Variants in SV2C observed in about 807,000 individuals in gnomAD.
The protein encoded by SV2C is synaptic vesicle glycoprotein 2C.
A neutral mutation model predicts 79.7 loss-of-function variants in SV2C; 49 were observed. The ratio of observed to expected loss-of-function variants is 0.61; its 90% confidence interval spans 0.49 to 0.78. The LOEUF (loss-of-function observed/expected upper bound fraction) is 0.78. Ranked by LOEUF, SV2C falls within the 30% of genes least tolerant of loss-of-function variation. The pLI, the probability that SV2C is intolerant of heterozygous loss-of-function variation, is 0.00. For synonymous variants in SV2C, 334 were observed against 333.2 expected, an observed-to-expected ratio of 1.00 and a Z score of -0.03; for missense variants, 833 against 912.9, an observed-to-expected ratio of 0.91 and a Z score of 1.13.
the SV2C span, among the ~76,000 whole-genome samples, chr5:75,977,812 C>T: frequency 1.3e-5 from 2 of 152,320 alleles, no homozygotes; most frequent in East Asian, 3.9e-4. Context: ...TATCCTCCCT[C>T]ACCTAGTTAA....
At chr5:76,008,176 A>G in the SV2C span, among the ~76,000 whole-genome samples, 1 of 152,180 alleles carries the variant, frequency 6.6e-6, no homozygotes, top group Non-Finnish European at 1.5e-5. Flanking sequence ...TCATTTACAT[A>G]TTTTACAGAA....
chr5:76,004,744 C>A, the SV2C span, among the ~76,000 whole-genome samples: 6 of 152,080 alleles, frequency 3.9e-5, no homozygotes, highest in South Asian at 1.2e-3. Flanking sequence ...TGCATGATGA[C>A]CCCGCGAATA....
At chr5:76,062,219 T>C in the SV2C span, among the ~76,000 whole-genome samples, 1 of 152,078 alleles carries the variant, frequency 6.6e-6, no homozygotes, top group East Asian at 1.9e-4. Context: ...AAAGTTCACA[T>C]TGAAATTTGA....
At chr5:76,346,863 C>T (rs1749553801) in intron 12 of SV2C, among the ~76,000 whole-genome samples, 1 of 152,228 alleles carries the variant, frequency 6.6e-6, no homozygotes, top group South Asian at 2.1e-4. Flanking sequence ...ATCCATCTCA[C>T]CTGCACACAG....
chr5:76,048,965 G>GAGAAAGAAAAAGAAAGAAAGAA, the SV2C span, among the ~76,000 whole-genome samples: 1 of 58,164 alleles, frequency 1.7e-5, no homozygotes, highest in African/African-American at 7.1e-5. Context: ...GAAAGAAAAA[G>GAGAAAGAAAAAGAAAGAAAGAA]AGAAAGAAAG....
intron 4 of SV2C, among the ~76,000 whole-genome samples, chr5:76,280,239 C>T (rs1747142313): frequency 6.6e-6 from 1 of 151,648 alleles, no homozygotes; most frequent in African/African-American, 2.4e-5. Flanking sequence ...GAGAGAGACA[C>T]CACCAGCATG....
At chr5:76,156,850 T>G (rs1175296470) in intron 2 of SV2C, among the ~76,000 whole-genome samples, 1 of 151,700 alleles carries the variant, frequency 6.6e-6, no homozygotes, top group Non-Finnish European at 1.5e-5. Context: ...AGAAGAAAGA[T>G]TGACAGAGGT....
At chr5:76,085,175 G>A (rs1396407560) in intron 1 of SV2C, among the ~76,000 whole-genome samples, 2 of 152,324 alleles carry the variant, frequency 1.3e-5, no homozygotes, top group South Asian at 2.1e-4. Context: ...AAGGCCTCGT[G>A]CTCGTGGGAA....
the SV2C span, among the ~76,000 whole-genome samples, chr5:76,032,322 G>A: frequency 6.6e-6 from 1 of 151,816 alleles, no homozygotes; most frequent in East Asian, 1.9e-4. Context: ...ATGTATACCT[G>A]TGCCATGCTG....
At chr5:76,163,450 T>C (rs528040687) in intron 2 of SV2C, among the ~76,000 whole-genome samples, 1 of 152,362 alleles carries the variant, frequency 6.6e-6, no homozygotes, top group Non-Finnish European at 1.5e-5. Flanking sequence ...TTGCATAGTA[T>C]AAATCAGCTC....
chr5:76,042,956 TTTGA>T, the SV2C span, among the ~76,000 whole-genome samples: 2 of 152,230 alleles, frequency 1.3e-5, no homozygotes, highest in Admixed American at 1.3e-4. Flanking sequence ...CTAGATGGAC[TTTGA>T]TTGGTTTGGC....
intron 1 of SV2C, among the ~76,000 whole-genome samples, chr5:76,107,673 G>C (rs1269082878): frequency 6.6e-6 from 1 of 152,084 alleles, no homozygotes; most frequent in Non-Finnish European, 1.5e-5. Context: ...AGAACAACAT[G>C]GTGAAACCGT....
At chr5:76,103,831 A>G (rs1377883093) in intron 1 of SV2C, among the ~76,000 whole-genome samples, 1 of 152,246 alleles carries the variant, frequency 6.6e-6, no homozygotes, top group Non-Finnish European at 1.5e-5. Flanking sequence ...CTTTTAGAAT[A>G]TAGCAAAAGA....
At chr5:76,251,839 A>C (rs371936202) in intron 4 of SV2C, among the ~76,000 whole-genome samples, 1 of 152,188 alleles carries the variant, frequency 6.6e-6, no homozygotes, top group East Asian at 1.9e-4. Context: ...ACTTATGTAC[A>C]TGACCACTTA....
chr5:76,009,374 C>T, the SV2C span, among the ~76,000 whole-genome samples: 4 of 152,288 alleles, frequency 2.6e-5, no homozygotes, highest in South Asian at 8.3e-4. Flanking sequence ...GAACTTAAAA[C>T]AGAATTACCA....
chr5:75,999,305 A>G, the SV2C span, among the ~76,000 whole-genome samples: 1 of 144,746 alleles, frequency 6.9e-6, no homozygotes, highest in South Asian at 2.4e-4. Context: ...GTATAGATAT[A>G]CAGTATAGAT....
intron 2 of SV2C, chr5:76,174,077 A>G (rs1453499380): frequency 5.1e-6 from 8 of 1,574,422 alleles, no homozygotes; most frequent in Admixed American, 1.7e-5. Context: ...AGAATCTTCT[A>G]TCGTAGGATC....
At chr5:75,889,749 C>T in the SV2C span, among the ~76,000 whole-genome samples, 3 of 152,100 alleles carry the variant, frequency 2.0e-5, no homozygotes, top group South Asian at 6.2e-4. Flanking sequence ...GCACTTCATA[C>T]ACATCCACTG....
At chr5:76,244,148 A>G (rs1745876999) in intron 4 of SV2C, among the ~76,000 whole-genome samples, 1 of 152,234 alleles carries the variant, frequency 6.6e-6, no homozygotes, top group Non-Finnish European at 1.5e-5. Context: ...CCATGTGGGC[A>G]GGACTTTGTC....
Sources: allele counts gnomAD v4.1 joint callset (sites outside exome capture counted in the v4.1 genomes callset), GRCh38; gene constraint gnomAD v4.1.1; transcripts MANE v1.5; gene names NCBI Gene and HGNC (gene_info 2026-07-23, HGNC 2026-07-21).